Variants in LRRC4C observed in about 807,000 individuals in gnomAD.
LRRC4C encodes leucine rich repeat containing 4C, also known as leucine-rich repeat-containing protein 4C.
LRRC4C carries 5 observed loss-of-function variants against 33.6 expected under a neutral mutation model. The ratio of observed to expected loss-of-function variants is 0.15; its 90% CI spans 0.08 to 0.31. LRRC4C has a LOEUF of 0.31. Ranked by LOEUF, LRRC4C falls within the 10% of genes least tolerant of loss-of-function variation. The pLI is 1.00. For synonymous variants in LRRC4C, 329 were observed against 302.0 expected (o/e 1.09, Z -0.93); for missense variants, 560 against 796.7 (o/e 0.70, Z 3.58).
At position 41,049,591 on chromosome 11, in the gene LRRC4C, T is replaced by C. The variant is rs180705429; in HGVS notation, c.-495-115868A>G. 4.6e-5 allele frequency among the ~76,000 whole-genome samples: 7 copies of C among 152,252 alleles called. No homozygotes were observed. The East Asian group carries it at 1.4e-3, about 29-fold the overall frequency. On this transcript the variant is annotated intron_variant, in intron 1 of 6. Transcript: ENST00000528697. ...GGTTGCTGAGAAGTTATGATATTAA[T>C]CTAGGGAAGAGGAAATAATGGCTTG...
At chr11:41,005,006 A>ATTATTATTATTATT (rs371065177) in intron 1 of LRRC4C, among the ~76,000 whole-genome samples, 7 of 151,394 alleles carry the variant, frequency 4.6e-5, no homozygotes, top group African/African-American at 1.2e-4. Context: ...TTATTATTAT[A>ATTATTATTATTATT]ATTATTACAG....
intron 1 of LRRC4C, among the ~76,000 whole-genome samples, chr11:41,416,355 A>G (rs1381049939): frequency 2.6e-5 from 4 of 151,990 alleles, no homozygotes; most frequent in Admixed American, 6.6e-5. Flanking sequence ...CATATTATCA[A>G]TCTTAATAGT....
chr11:41,255,155 A>G (rs571691401), intron 1 of LRRC4C, among the ~76,000 whole-genome samples: 40 of 152,150 alleles, frequency 2.6e-4, no homozygotes, highest in Non-Finnish European at 5.0e-4. Flanking sequence ...CCAGTGTTCC[A>G]ATGAACAGCT....
At chr11:41,433,799 A>G (rs1955327711) in intron 1 of LRRC4C, among the ~76,000 whole-genome samples, 1 of 149,452 alleles carries the variant, frequency 6.7e-6, no homozygotes, top group Non-Finnish European at 1.5e-5. Flanking sequence ...ACTCCCATAT[A>G]TATGTGTGTG....
At chr11:40,913,615 C>A (rs980357025) in intron 2 of LRRC4C, among the ~76,000 whole-genome samples, 1 of 152,080 alleles carries the variant, frequency 6.6e-6, no homozygotes, top group Non-Finnish European at 1.5e-5. Context: ...AAAATTGACA[C>A]CCTAACATCA....
intron 2 of LRRC4C, among the ~76,000 whole-genome samples, chr11:40,838,944 G>T (rs1364188068): frequency 6.6e-6 from 1 of 151,900 alleles, no homozygotes; most frequent in Non-Finnish European, 1.5e-5. Context: ...TTCTAGGGAG[G>T]ATTTAAGAAT....
At chr11:41,184,452 A>G (rs1281228026) in intron 1 of LRRC4C, among the ~76,000 whole-genome samples, 1 of 152,146 alleles carries the variant, frequency 6.6e-6, no homozygotes, top group East Asian at 1.9e-4. Flanking sequence ...TCTCTAGGGC[A>G]GGGGCTAAAT....
chr11:40,910,553 A>G lies in LRRC4C; in HGVS notation c.-407+23082T>C, dbSNP rs114277748. Among the ~76,000 whole-genome samples, 1,030 of 152,330 alleles carry G rather than the reference A, an allele frequency of 6.8e-3. 11 individuals carry two copies. The highest frequency in any genetic ancestry group is 0.043 in the South Asian group (207 of 4,822). On this transcript the variant is annotated intron_variant, in intron 2 of 6. Transcript: ENST00000528697. ...AGTAAGCCATATTCATTAAAAATTC[A>G]GAAAGTTTGGTGGTGGGGAGCCAAG...
intron 3 of LRRC4C, among the ~76,000 whole-genome samples, chr11:40,458,790 C>T (rs552566729): frequency 6.6e-6 from 1 of 152,228 alleles, no homozygotes; most frequent in East Asian, 1.9e-4. Context: ...TTAAATGTTA[C>T]TGTATTTTAA....
chr11:41,091,857 T>C (rs953439192), intron 1 of LRRC4C, among the ~76,000 whole-genome samples: 1 of 152,184 alleles, frequency 6.6e-6, no homozygotes, highest in Non-Finnish European at 1.5e-5. Context: ...TTAGCCTATC[T>C]TGTGGATGAG....
intron 1 of LRRC4C, among the ~76,000 whole-genome samples, chr11:41,365,256 C>G (rs965464718): frequency 2.0e-5 from 3 of 151,758 alleles, no homozygotes; most frequent in Admixed American, 1.3e-4. Context: ...GTTGTGTGCT[C>G]CTTATGAGAA....
chr11:40,704,817 C>G (rs1031813183), intron 2 of LRRC4C, among the ~76,000 whole-genome samples: 5 of 152,084 alleles, frequency 3.3e-5, no homozygotes, highest in African/African-American at 1.2e-4. Flanking sequence ...ATTTTGTACA[C>G]TTTCCTTCTG....
chr11:40,715,924 C>A (rs1946684018), intron 2 of LRRC4C, among the ~76,000 whole-genome samples: 1 of 152,000 alleles, frequency 6.6e-6, no homozygotes, highest in South Asian at 2.1e-4. Context: ...ACTCAGGAGG[C>A]TGAGGTAGGA....
intron 5 of LRRC4C, among the ~76,000 whole-genome samples, chr11:40,185,196 A>C (rs543082983): frequency 6.6e-6 from 1 of 152,328 alleles, no homozygotes; most frequent in South Asian, 2.1e-4. Context: ...TATTGTGTAT[A>C]TACATGTGCT....
chr11:40,743,397 G>T (rs1948257120), intron 2 of LRRC4C, among the ~76,000 whole-genome samples: 1 of 151,978 alleles, frequency 6.6e-6, no homozygotes, highest in Non-Finnish European at 1.5e-5. Flanking sequence ...CAGTTCTCAA[G>T]GTCAGAGGTC....
intron 3 of LRRC4C, among the ~76,000 whole-genome samples, chr11:40,588,262 G>C (rs61888383): frequency 0.13 from 19,886 of 150,532 alleles, 1,395 homozygotes; most frequent in Middle Eastern, 0.2. Context: ...GTTTATTTGC[G>C]TAGAGGTGTT....
chr11:40,897,737 A>T (rs893980635), intron 2 of LRRC4C, among the ~76,000 whole-genome samples: 1 of 152,206 alleles, frequency 6.6e-6, no homozygotes, highest in African/African-American at 2.4e-5. Flanking sequence ...TACATGAATC[A>T]CAACCGAAGT....
At chr11:41,267,194 A>G (rs1949178891) in intron 1 of LRRC4C, among the ~76,000 whole-genome samples, 1 of 152,132 alleles carries the variant, frequency 6.6e-6, no homozygotes, top group South Asian at 2.1e-4. Flanking sequence ...TTATCAGTAC[A>G]TATTTATAAC....
At chr11:40,347,340 A>G (rs895060434) in intron 3 of LRRC4C, among the ~76,000 whole-genome samples, 1 of 152,162 alleles carries the variant, frequency 6.6e-6, no homozygotes, top group Non-Finnish European at 1.5e-5. Flanking sequence ...CCTTCACTAC[A>G]TTAGGCTTTG....
Sources: allele counts gnomAD v4.1 joint callset (sites outside exome capture counted in the v4.1 genomes callset), GRCh38; gene constraint gnomAD v4.1.1; transcripts MANE v1.5; gene names NCBI Gene and HGNC (gene_info 2026-07-23, HGNC 2026-07-21).